WSCD2: variants seen among roughly 807,000 people sequenced by gnomAD.
The protein encoded by WSCD2 is WSC domain sialate O sulfotransferase 2.
A neutral mutation model predicts 55.7 loss-of-function variants in WSCD2; 28 were observed. The ratio of observed to expected loss-of-function variants is 0.50; its 90% CI spans 0.37 to 0.69. The LOEUF is 0.69. Among genes scored for constraint, WSCD2 ranks in the 30% least tolerant of loss-of-function variants. WSCD2 has a pLI of 0.00. For synonymous variants in WSCD2, 301 were observed against 301.9 expected, an observed-to-expected ratio of 1.00 and a Z score of 0.03; for missense variants, 616 against 762.1, an observed-to-expected ratio of 0.81 and a Z score of 2.26.
intron 8 of WSCD2, among the ~76,000 whole-genome samples, chr12:108,245,680 C>T (rs1012851849): frequency 7.2e-5 from 11 of 152,150 alleles, no homozygotes; most frequent in Admixed American, 4.6e-4. Flanking sequence ...AGCAGCTGTT[C>T]TGAATCACCA....
chr12:108,186,913 C>T (rs1882570838), intron 1 of WSCD2, among the ~76,000 whole-genome samples: 1 of 152,142 alleles, frequency 6.6e-6, no homozygotes, highest in African/African-American at 2.4e-5. Context: ...AGATCAAGGA[C>T]TCAAGTCTTT....
Position 108,240,399 on chromosome 12 carries a change from G to C in WSCD2, c.1200G>C (p.Thr400=). 2 of 1,614,144 alleles carry C rather than the reference G, an allele frequency of 1.2e-6. No individual in the cohort carries two copies. The highest frequency in any genetic ancestry group is 1.7e-6 in the Non-Finnish European group (2 of 1,180,028). Residue 400 remains threonine (T), a synonymous_variant, in exon 8 of 9, where the codon ACG becomes ACC. Coordinates refer to ENST00000547525, the MANE Select transcript of WSCD2 (RefSeq NM_014653.4). ...GCGGACGGACCATCTGCATCAAGAC[G>C]CACGAAAGCGGCCAGAAAGAGATCG... ...WRSGRTICIK[T]HESGQKEIEA...
chr12:108,175,729 A>AT (rs1175220557), intron 1 of WSCD2, among the ~76,000 whole-genome samples: 1 of 152,240 alleles, frequency 6.6e-6, no homozygotes, highest in Non-Finnish European at 1.5e-5. Flanking sequence ...GGCGCCTAGA[A>AT]TAAGTGAGCA....
chr12:108,242,643 T>TA (rs1889844225), intron 8 of WSCD2, among the ~76,000 whole-genome samples: 1 of 152,216 alleles, frequency 6.6e-6, no homozygotes, highest in South Asian at 2.1e-4. Flanking sequence ...AGTTCTGAGT[T>TA]ACGTTTGCAG....
chr12:108,203,813 G>A (rs553657828), intron 2 of WSCD2, among the ~76,000 whole-genome samples: 2 of 152,344 alleles, frequency 1.3e-5, no homozygotes, highest in East Asian at 3.9e-4. Context: ...CATTTCTGCA[G>A]CATGAGCATT....
chr12:108,196,215 G>A lies in WSCD2; in HGVS notation c.382+1G>A. The A allele has an allele frequency of 6.2e-7, 1 of 1,610,818 alleles. No individual in the cohort carries two copies. The highest frequency in any genetic ancestry group is 8.5e-7 in the Non-Finnish European group (1 of 1,178,450). Reference sequence around the variant, plus strand: ...GTCCGGGAGAAGGAGGAAGAGCGAGGTAAGAGCGAGGAACATCTGGACACT... The same window carrying A: ...GTCCGGGAGAAGGAGGAAGAGCGAGATAAGAGCGAGGAACATCTGGACACT... On this transcript the variant is annotated splice_donor_variant, in intron 2 of 8. Coordinates refer to ENST00000547525, the MANE Select transcript of WSCD2 (RefSeq NM_014653.4). LOFTEE classifies it high-confidence loss of function.
At chr12:108,136,467 G>C (rs796560843) in intron 1 of WSCD2, among the ~76,000 whole-genome samples, 17 of 152,276 alleles carry the variant, frequency 1.1e-4, no homozygotes, top group African/African-American at 4.1e-4. Flanking sequence ...TGTGCTCCAA[G>C]GTGGCCCTGC....
chr12:108,170,313 C>T (rs1038143040), intron 1 of WSCD2, among the ~76,000 whole-genome samples: 5 of 151,882 alleles, frequency 3.3e-5, no homozygotes, highest in Admixed American at 1.3e-4. Context: ...CACAGAGAAA[C>T]GGGAAAATAA....
chr12:108,200,387 G>A (rs1238885676), intron 2 of WSCD2, among the ~76,000 whole-genome samples: 1 of 152,184 alleles, frequency 6.6e-6, no homozygotes, highest in Non-Finnish European at 1.5e-5. Flanking sequence ...ACTCCAGCCC[G>A]ATTTGATCAG....
chr12:108,236,158 T>C (rs776426418), intron 7 of WSCD2, among the ~76,000 whole-genome samples: 4 of 152,190 alleles, frequency 2.6e-5, no homozygotes, highest in Non-Finnish European at 4.4e-5. Flanking sequence ...TCTAAGTCTT[T>C]TAGAGTTTCT....
intron 1 of WSCD2, among the ~76,000 whole-genome samples, chr12:108,137,136 C>T (rs1876312155): frequency 6.6e-6 from 1 of 152,214 alleles, no homozygotes; most frequent in African/African-American, 2.4e-5. Context: ...TATCTGTTTA[C>T]ACTCCAGTGT....
In WSCD2 at chr12:108,240,453, C is replaced by T. The variant is rs200630899; in HGVS notation, c.1254C>T (p.Ile418=). The T allele has an allele frequency of 1.2e-3, 1,989 of 1,614,146 alleles. 1 individual carries two copies. Among genetic ancestry groups the T allele is most frequent in the Non-Finnish European group, 1.6e-3 (1,852 of 1,180,042 alleles). Residue 418 remains isoleucine (I), a synonymous_variant, in exon 8 of 9, where the codon ATC becomes ATT. Transcript: ENST00000547525. ...CCTTCGACGCCGCCATCCTGCTCATCCGCAACCCCTACAAAGCCCTCATGG... is the reference window on the plus strand; with the variant it reads ...CCTTCGACGCCGCCATCCTGCTCATTCGCAACCCCTACAAAGCCCTCATGG... ...IEAFDAAILL[I]RNPYKALMAE...
At chr12:108,222,965 C>T (rs556210194) in intron 4 of WSCD2, among the ~76,000 whole-genome samples, 16 of 152,272 alleles carry the variant, frequency 1.1e-4, no homozygotes, top group African/African-American at 1.2e-4. Context: ...TACGCAATTG[C>T]GGGAGCTGGC....
rs556387456 is a variant in WSCD2, at chr12:108,249,690, C to T, written c.*1347C>T. ...TGAAGCCTTGGAGTGCAGGTAAATG[C>T]TCATTCCCAAGTAGCAAAGAGACCA... On this transcript the variant is annotated 3_prime_UTR_variant, in exon 9 of 9. Transcript: ENST00000547525. 1.3e-5 allele frequency: 2 copies of T among 152,626 alleles called. No homozygotes were observed. The highest frequency in any genetic ancestry group is 2.9e-5 in the Non-Finnish European group (2 of 68,044). 9.5% of individuals were successfully genotyped at this position (152,626 alleles called of 1,614,324 possible).
At chr12:108,147,425 G>A (rs2136901650) in intron 1 of WSCD2, among the ~76,000 whole-genome samples, 1 of 152,250 alleles carries the variant, frequency 6.6e-6, no homozygotes, top group South Asian at 2.1e-4. Flanking sequence ...GGTTAGAGAA[G>A]GGAATAGAGG....
chr12:108,185,356 C>T (rs1294932303), intron 1 of WSCD2, among the ~76,000 whole-genome samples: 2 of 152,198 alleles, frequency 1.3e-5, no homozygotes, highest in Admixed American at 1.3e-4. Flanking sequence ...TGGACCCCCA[C>T]TGACCTTTTT....
intron 1 of WSCD2, among the ~76,000 whole-genome samples, chr12:108,131,576 G>A (rs1408247023): frequency 6.6e-6 from 1 of 152,172 alleles, no homozygotes; most frequent in Non-Finnish European, 1.5e-5. Flanking sequence ...AAAGAGTGAA[G>A]CTCAACGGTG....
Position 108,249,998 on chromosome 12 carries a change from G to C in WSCD2, c.*1655G>C, listed in dbSNP as rs2137262727. The C allele has an allele frequency of 6.5e-6, 1 of 152,722 alleles. No individual in the cohort carries two copies. Among genetic ancestry groups the C allele is most frequent in the South Asian group, 2.1e-4 (1 of 4,826 alleles). The allele number at this position is 152,722 out of a possible 1,614,324, so 9.5% of individuals were successfully genotyped here. A position where few individuals can be genotyped will look rare whatever the true frequency, so the allele number is the denominator to read the frequency against. On this transcript the variant is annotated 3_prime_UTR_variant, in exon 9 of 9. Coordinates refer to ENST00000547525, the MANE Select transcript of WSCD2 (RefSeq NM_014653.4). ...CTACTGGGAGGTTGACTCTCTCTGG[G>C]AGACTCTTGGTCCAAGACCTGGGTC...
chr12:108,144,870 A>C (rs1877224440), intron 1 of WSCD2, among the ~76,000 whole-genome samples: 5 of 152,170 alleles, frequency 3.3e-5, no homozygotes, highest in Admixed American at 3.3e-4. Flanking sequence ...GGAAACTCTG[A>C]GAGGCAAAGA....
Sources: gnomAD v4.1 joint callset for allele counts (sites outside exome capture counted in the v4.1 genomes callset) on GRCh38, gnomAD v4.1.1 for gene constraint, MANE v1.5 for transcripts, NCBI Gene and HGNC (gene_info 2026-07-23, HGNC 2026-07-21) for gene names.